Variants in SCGB2B2 observed in about 807,000 individuals in gnomAD.
SCGB2B2 encodes secretoglobin family 2B member 2, also known as secretoglobin-like protein.
Under a neutral mutation model 7.6 loss-of-function variants are expected in SCGB2B2, and 11 were observed. That is an observed-to-expected ratio of 1.45 (90% CI 0.91 to 2.40). SCGB2B2 has a LOEUF of 2.40. Among genes scored for constraint, SCGB2B2 ranks in the 30% most tolerant of loss-of-function variants. SCGB2B2 has a pLI of 0.00. For missense variants in SCGB2B2, 104 were observed against 115.4 expected (o/e 0.90, Z 0.45); for synonymous variants, 50 against 48.6 (o/e 1.03, Z -0.12).
chr19:34,668,254 G>GGTGGGC (rs1600072735), intron 1 of SCGB2B2, among the ~76,000 whole-genome samples: 1 of 152,224 alleles, frequency 6.6e-6, no homozygotes, highest in East Asian at 1.9e-4. Context: ...TGGAGTTCCC[G>GGTGGGC]GTGGGCGTGG....
In SCGB2B2 at chr19:34,596,062, T is replaced by C. The variant is rs920587184; in HGVS notation, c.-1499A>G. ...GCTCACCTCGGCCAGGCATGAGCCATCACTGTGCACGTACAGAACCTCATA... is the reference window on the plus strand; with the variant it reads ...GCTCACCTCGGCCAGGCATGAGCCACCACTGTGCACGTACAGAACCTCATA... On this transcript the variant is annotated 5_prime_UTR_variant, in exon 2 of 4. It removes an upstream start codon present in the reference 5' UTR. Transcript: ENST00000601241. 1 of 152,372 alleles carries C rather than the reference T, an allele frequency of 6.6e-6. No homozygotes were observed. Among genetic ancestry groups the C allele is most frequent in the African/African-American group, 2.4e-5 (1 of 41,452 alleles). The allele number at this position is 152,372 out of a possible 1,614,324, so 9.4% of individuals were successfully genotyped here.
At chr19:34,650,081 TA>T (rs1418256944) in intron 1 of SCGB2B2, among the ~76,000 whole-genome samples, 1 of 151,196 alleles carries the variant, frequency 6.6e-6, no homozygotes, top group African/African-American at 2.5e-5. Context: ...ATGACTTCAC[TA>T]GACACTGAGT....
At chr19:34,661,967 C>A (rs1273341297) in intron 1 of SCGB2B2, among the ~76,000 whole-genome samples, 1 of 151,978 alleles carries the variant, frequency 6.6e-6, no homozygotes, top group African/African-American at 2.4e-5. Context: ...GTAACCTCTG[C>A]CTCCCAGGTT....
intron 1 of SCGB2B2, among the ~76,000 whole-genome samples, chr19:34,672,105 C>T (rs1266977186): frequency 6.6e-6 from 1 of 151,956 alleles, no homozygotes; most frequent in Non-Finnish European, 1.5e-5. Context: ...GGGGCCAATG[C>T]ACTCCAGGTG....
intron 1 of SCGB2B2, chr19:34,645,986 G>C: frequency 3.0e-6 from 1 of 329,228 alleles, no homozygotes; most frequent in East Asian, 9.0e-5. Context: ...CCAGCCCCCT[G>C]ACAGAGGAGT....
rs1441743069 is a variant in SCGB2B2, at chr19:34,619,683, TCCC to T, written c.-2031-23092_-2031-23090del. Among the ~76,000 whole-genome samples, 13 of 152,260 alleles carry T rather than the reference TCCC, an allele frequency of 8.5e-5. No individual in the cohort carries two copies. In the East Asian group the frequency reaches 2.3e-3, roughly 27 times the overall value. On this transcript the variant is annotated intron_variant, in intron 1 of 3. Transcript: ENST00000601241. ...ACACATAAAATCAGAAAAGACTGAT[TCCC>T]TAAGCCAGGAATTGAACCCAGGCCA...
chr19:34,656,116 A>G (rs1411015950), intron 1 of SCGB2B2, among the ~76,000 whole-genome samples: 1 of 151,362 alleles, frequency 6.6e-6, no homozygotes, highest in Non-Finnish European at 1.5e-5. Flanking sequence ...ATATTGGCAA[A>G]GTGAATGAAA....
intron 1 of SCGB2B2, among the ~76,000 whole-genome samples, chr19:34,598,164 G>A (rs1343948924): frequency 6.6e-6 from 1 of 152,182 alleles, no homozygotes; most frequent in East Asian, 1.9e-4. Context: ...AGAGGTCAGG[G>A]CCCTAGAGCT....
At chr19:34,609,300 C>A (rs1239836250) in intron 1 of SCGB2B2, among the ~76,000 whole-genome samples, 1 of 152,010 alleles carries the variant, frequency 6.6e-6, no homozygotes, top group Admixed American at 6.6e-5. Flanking sequence ...TGATCATTTC[C>A]TTTGCTGTGC....
Position 34,593,597 on chromosome 19 carries a change from C to A in SCGB2B2, c.249G>T (p.Lys83Asn). The A allele has an allele frequency of 6.4e-7, 1 of 1,552,612 alleles. No individual in the cohort carries two copies. The highest frequency in any genetic ancestry group is 8.7e-7 in the Non-Finnish European group (1 of 1,147,508). ...TERFAHSVVI[K>N]KILQSNDCIE... Reference sequence around the variant, plus strand: ...TGCAATCGTTGCTCTGAAGGATCTTCTTCTGTTGGAAAAAGAAGAAAGAGA... The same window carrying A: ...TGCAATCGTTGCTCTGAAGGATCTTATTCTGTTGGAAAAAGAAGAAAGAGA... Residue 83 changes from lysine to asparagine, a missense_variant and splice_region_variant, in exon 4 of 4, where the codon AAG becomes AAT. Physicochemically the swap from Lys to Asn is moderately conservative, Grantham distance 94. Coordinates refer to ENST00000601241, the MANE Select transcript of SCGB2B2 (RefSeq NM_001025591.4).
At chr19:34,604,182 C>T (rs528822307) in intron 1 of SCGB2B2, among the ~76,000 whole-genome samples, 4 of 152,188 alleles carry the variant, frequency 2.6e-5, no homozygotes, top group Non-Finnish European at 5.9e-5. Context: ...CCTCCCAGTT[C>T]AGGTGCAGTT....
chr19:34,617,521 T>C (rs1177644955), intron 1 of SCGB2B2, among the ~76,000 whole-genome samples: 2 of 151,440 alleles, frequency 1.3e-5, no homozygotes, highest in East Asian at 1.9e-4. Context: ...CTTGTGATTT[T>C]TGTACATTGA....
intron 1 of SCGB2B2, among the ~76,000 whole-genome samples, chr19:34,661,989 C>T (rs973418148): frequency 1.3e-5 from 2 of 152,080 alleles, no homozygotes; most frequent in African/African-American, 4.8e-5. Context: ...AAGCAATTCT[C>T]CTGCCTCAGC....
intron 1 of SCGB2B2, among the ~76,000 whole-genome samples, chr19:34,606,511 C>CTTTT (rs774587331): frequency 6.8e-4 from 63 of 92,626 alleles, no homozygotes; most frequent in African/African-American, 1.7e-3. Context: ...TTTTTCTTTT[C>CTTTT]TTTTTCTTTT....
intron 1 of SCGB2B2, among the ~76,000 whole-genome samples, chr19:34,673,877 A>G (rs537457873): frequency 1.3e-5 from 2 of 152,308 alleles, no homozygotes; most frequent in African/African-American, 4.8e-5. Flanking sequence ...AAATGGAACT[A>G]TACTTAAAAT....
chr19:34,611,916 G>C (rs956407335), intron 1 of SCGB2B2, among the ~76,000 whole-genome samples: 1 of 151,188 alleles, frequency 6.6e-6, no homozygotes, highest in African/African-American at 2.4e-5. Context: ...GCCTCCCAAA[G>C]TGCTGGGATT....
At chr19:34,648,438 T>A (rs2067077870) in intron 1 of SCGB2B2, among the ~76,000 whole-genome samples, 1 of 152,214 alleles carries the variant, frequency 6.6e-6, no homozygotes, top group Non-Finnish European at 1.5e-5. Context: ...TCTCTGAGGA[T>A]GCAAAAGCAT....
At chr19:34,644,152 T>G (rs372130672) in intron 1 of SCGB2B2, among the ~76,000 whole-genome samples, 6 of 152,156 alleles carry the variant, frequency 3.9e-5, no homozygotes, top group African/African-American at 1.4e-4. Flanking sequence ...GATAACTAAA[T>G]CTTCCACTTC....
chr19:34,621,075 C>A (rs73040224), intron 1 of SCGB2B2, among the ~76,000 whole-genome samples: 90 of 152,160 alleles, frequency 5.9e-4, no homozygotes, highest in African/African-American at 2.1e-3. Context: ...AGATTAAAGT[C>A]GCATGAAGTA....
Sources: allele counts gnomAD v4.1 joint callset (sites outside exome capture counted in the v4.1 genomes callset), GRCh38; gene constraint gnomAD v4.1.1; transcripts MANE v1.5; gene names NCBI Gene and HGNC (gene_info 2026-07-23, HGNC 2026-07-21).